PCNX1: variants seen among roughly 807,000 people sequenced by gnomAD.
The protein encoded by PCNX1 is pecanex-like protein 1.
In PCNX1, 78 loss-of-function variants were observed where a neutral mutation model predicts 242.2. That is an observed-to-expected ratio of 0.32 (90% CI 0.27 to 0.39). The LOEUF is 0.39. PCNX1 is among the 10% of genes least tolerant of loss of function. The pLI, the probability that PCNX1 is intolerant of heterozygous loss-of-function variation, is 1.00. For missense variants in PCNX1, 2,581 were observed against 2,856.5 expected (o/e 0.90, Z 2.20); for synonymous variants, 1,024 against 1,032.9 (o/e 0.99, Z 0.17).
intron 1 of PCNX1, among the ~76,000 whole-genome samples, chr14:70,925,004 A>G (rs1039056873): frequency 1.3e-5 from 2 of 148,574 alleles, no homozygotes; most frequent in African/African-American, 2.5e-5. Context: ...TTAATTTTTT[A>G]TTGAGACAGA....
intron 6 of PCNX1, among the ~76,000 whole-genome samples, chr14:70,981,231 T>C (rs8012728): frequency 0.37 from 55,645 of 151,986 alleles, 10,457 homozygotes; most frequent in East Asian, 0.62. Flanking sequence ...CTGCTGTGAC[T>C]GTTCAAGGCC....
intron 28 of PCNX1, among the ~76,000 whole-genome samples, chr14:71,077,257 A>T (rs2061741221): frequency 6.6e-6 from 1 of 152,310 alleles, no homozygotes; most frequent in East Asian, 1.9e-4. Flanking sequence ...ATCAGACTCC[A>T]TGTAACAGAA....
intron 1 of PCNX1, among the ~76,000 whole-genome samples, chr14:70,919,159 C>T (rs1032866588): frequency 2.0e-5 from 3 of 151,984 alleles, no homozygotes; most frequent in South Asian, 2.1e-4. Context: ...ACTGGGATTA[C>T]GGGCATGAGC....
intron 26 of PCNX1, among the ~76,000 whole-genome samples, chr14:71,072,370 A>G (rs147876315): frequency 0.031 from 4,789 of 152,314 alleles, 131 homozygotes; most frequent in Non-Finnish European, 0.05. Context: ...TCTTGTCAAC[A>G]CTATGTAACA....
chr14:70,920,300 T>C (rs1196493893), intron 1 of PCNX1, among the ~76,000 whole-genome samples: 1 of 152,180 alleles, frequency 6.6e-6, no homozygotes, highest in African/African-American at 2.4e-5. Flanking sequence ...TATTTGGATT[T>C]CATCAGTTGT....
At chr14:70,908,819 G>A (rs564483457) in intron 1 of PCNX1, among the ~76,000 whole-genome samples, 66 of 152,298 alleles carry the variant, frequency 4.3e-4, no homozygotes, top group Non-Finnish European at 8.1e-4. Flanking sequence ...ACTGCCTGTT[G>A]CTGAATTCGG....
chr14:70,978,492 T>G lies in PCNX1; in HGVS notation c.2155T>G (p.Ser719Ala). Residue 719 changes from serine (S) to alanine (A), a missense_variant, in exon 6 of 36, where the codon TCA (serine) becomes GCA (alanine). Coordinates refer to ENST00000304743, the MANE Select transcript of PCNX1 (RefSeq NM_014982.3). Reference protein sequence around the residue: ...APESIKPLTTSKSDLEAKEGE... With the variant: ...APESIKPLTTAKSDLEAKEGE... ...TGAAAGTATAAAGCCCTTAACCACT[T>G]CAAAATCAGATCTTGAGGCCAAAGA... 1 of 1,614,134 alleles carries G rather than the reference T, an allele frequency of 6.2e-7. No individual in the cohort carries two copies. The highest frequency in any genetic ancestry group is 8.5e-7 in the Non-Finnish European group (1 of 1,180,006).
chr14:71,009,384 A>G (rs562817725), intron 8 of PCNX1, among the ~76,000 whole-genome samples: 2 of 152,348 alleles, frequency 1.3e-5, no homozygotes, highest in South Asian at 4.1e-4. Flanking sequence ...AGAGATTGGT[A>G]TTGCAAAGCT....
In PCNX1 at chr14:71,026,117, G is replaced by A; in HGVS notation, c.3184G>A (p.Gly1062Ser). ...VQPDSSSPRH[G>S]HNRIIAYSRP... ...GACTTTTAAAAAATATCATTTTCAG[G>A]GTCATAATCGTATCATTGCCTACAG... Residue 1062 changes from glycine to serine, a missense_variant and splice_region_variant, in exon 14 of 36, where the codon GGT becomes AGT. By Grantham distance (56) the Gly-to-Ser change is moderately conservative. Coordinates refer to ENST00000304743, the MANE Select transcript of PCNX1 (RefSeq NM_014982.3). 6.5e-7 allele frequency: 1 copy of A among 1,541,680 alleles called. No homozygotes were observed. Among genetic ancestry groups the A allele is most frequent in the Non-Finnish European group, 8.8e-7 (1 of 1,139,410 alleles).
rs201405840 is a variant in PCNX1, at chr14:70,971,120, T to G, written c.604+2010T>G. On this transcript the variant is annotated intron_variant, in intron 5 of 35. Transcript: ENST00000304743. ...ATGCTATACTACTTTATATAGTTTT[T>G]TTTTTTTTTTTTTTTTTTTTTTTTT... Among the ~76,000 whole-genome samples the G allele has an allele frequency of 2.8e-3, 6 of 2,154 alleles. 3 individuals are homozygous for G. Among genetic ancestry groups the G allele is most frequent in the Non-Finnish European group, 6.3e-3 (6 of 956 alleles). The allele number at this position is 2,154 out of a possible 152,430, so 1.4% of individuals were successfully genotyped here. A position where few individuals can be genotyped will look rare whatever the true frequency, so the allele number is the denominator to read the frequency against.
intron 2 of PCNX1, among the ~76,000 whole-genome samples, chr14:70,953,407 C>G (rs35725944): frequency 0.12 from 18,872 of 151,600 alleles, 1,299 homozygotes; most frequent in Admixed American, 0.2. Context: ...TTCTTTTTTC[C>G]AATGCTCATT....
chr14:70,909,279 G>T (rs1053653238), intron 1 of PCNX1, among the ~76,000 whole-genome samples: 2 of 146,660 alleles, frequency 1.4e-5, no homozygotes, highest in African/African-American at 5.0e-5. Context: ...AAAAAAAAAA[G>T]CCATTAAGAA....
At position 71,057,480 on chromosome 14, in the gene PCNX1, T is replaced by G. The variant is rs200305229; in HGVS notation, c.4637-29T>G. ...TTGTCAAGAGGACTTAAGGTTAAAT[T>G]TAACTTTTTTTAAAATCTCTTTTTA... On this transcript the variant is annotated intron_variant, in intron 25 of 35. Coordinates refer to ENST00000304743, the MANE Select transcript of PCNX1 (RefSeq NM_014982.3). 3,340 of 1,476,206 alleles carry G rather than the reference T, an allele frequency of 2.3e-3. 7 individuals carry two copies. The highest frequency in any genetic ancestry group is 3.0e-3 in the Middle Eastern group (17 of 5,722). The allele number at this position is 1,476,206 out of a possible 1,614,324, so 91.4% of individuals were successfully genotyped here.
intron 16 of PCNX1, among the ~76,000 whole-genome samples, chr14:71,030,135 G>A (rs2060341417): frequency 6.6e-6 from 1 of 152,112 alleles, no homozygotes; most frequent in Non-Finnish European, 1.5e-5. Context: ...ATATCACAGT[G>A]TCAAATAGTT....
At position 70,977,019 on chromosome 14, in the gene PCNX1, T is replaced by A; in HGVS notation, c.682T>A (p.Cys228Ser). 6.2e-7 allele frequency: 1 copy of A among 1,614,180 alleles called. No individual in the cohort carries two copies. The highest frequency in any genetic ancestry group is 1.1e-5 in the South Asian group (1 of 91,082). ...CTCTATTCAGCCTTCCTTATCCTCT[T>A]GTGGACAGGACTTGCCAAGGGACTT... ...FISIQPSLSS[C>S]GQDLPRDFSD... The change falls in exon 6 of 36, where the codon TGT (cysteine) becomes AGT (serine). Residue 228 changes from cysteine to serine, a missense_variant. Physicochemically the swap from Cys to Ser is moderately radical, Grantham distance 112. Around this residue, in one of 9 missense-constraint regions of PCNX1, gnomAD observed 1,204 missense variants for 1,216.7 expected, o/e 0.99. Coordinates refer to ENST00000304743, the MANE Select transcript of PCNX1 (RefSeq NM_014982.3).
At chr14:71,046,543 T>C (rs1031304145) in intron 20 of PCNX1, among the ~76,000 whole-genome samples, 13 of 152,086 alleles carry the variant, frequency 8.5e-5, no homozygotes, top group Admixed American at 6.6e-5. Context: ...CTAGACACTT[T>C]CCCCAATGAA....
At chr14:71,071,207 ATCT>A (rs1371290105) in intron 26 of PCNX1, among the ~76,000 whole-genome samples, 1 of 152,206 alleles carries the variant, frequency 6.6e-6, no homozygotes, top group Non-Finnish European at 1.5e-5. Context: ...AGTTGGTTTG[ATCT>A]TCTCTCCAGA....
intron 2 of PCNX1, 27 bp from the exon 3 acceptor site, chr14:70,962,199 C>T (rs764909121): frequency 3.8e-6 from 5 of 1,315,360 alleles, no homozygotes; most frequent in South Asian, 2.4e-5. Context: ...ATGACAGTTA[C>T]TCTTTTTCTC....
At chr14:71,061,374 T>G (rs1335786196) in intron 26 of PCNX1, among the ~76,000 whole-genome samples, 2 of 152,184 alleles carry the variant, frequency 1.3e-5, no homozygotes, top group Non-Finnish European at 2.9e-5. Flanking sequence ...GAAGTACTGT[T>G]TGGAGAATAA....
Sources: gnomAD v4.1 joint callset for allele counts (sites outside exome capture counted in the v4.1 genomes callset) on GRCh38, gnomAD v4.1.1 for gene constraint, gnomAD v4.1.1 regional missense constraint, MANE v1.5 for transcripts, NCBI Gene and HGNC (gene_info 2026-07-23, HGNC 2026-07-21) for gene names.